Variants in CHAT observed in about 807,000 individuals in gnomAD.
CHAT encodes acetyl CoA:choline O-acetyltransferase.
CHAT carries 61 observed loss-of-function variants against 76.9 expected under a neutral mutation model. That is an observed-to-expected ratio of 0.79 (90% CI 0.65 to 0.98). The LOEUF is 0.98. Ranked by LOEUF, CHAT falls within the 50% of genes least tolerant of loss-of-function variation. CHAT has a pLI of 0.00. For missense variants in CHAT, 946 were observed against 986.9 expected (o/e 0.96, Z 0.56); for synonymous variants, 407 against 397.4 (o/e 1.02, Z -0.29).
chr10:49,617,026 T>G (rs890661214), intron 2 of CHAT, among the ~76,000 whole-genome samples: 7 of 152,174 alleles, frequency 4.6e-5, no homozygotes, highest in Non-Finnish European at 8.8e-5. Context: ...CACCATGTTC[T>G]CCACTGGCCT....
At chr10:49,658,489 G>A (rs988891430) in intron 13 of CHAT, among the ~76,000 whole-genome samples, 2 of 152,156 alleles carry the variant, frequency 1.3e-5, no homozygotes, top group Non-Finnish European at 2.9e-5. Flanking sequence ...TTGTACTTCA[G>A]TCTGGGCAAC....
intron 7 of CHAT, among the ~76,000 whole-genome samples, chr10:49,641,467 T>C (rs909390263): frequency 1.3e-5 from 2 of 152,148 alleles, no homozygotes; most frequent in African/African-American, 4.8e-5. Flanking sequence ...CAGAGCTCTT[T>C]AAAGGTGCCT....
chr10:49,610,869 G>C (rs750714800), upstream of CHAT: 1 of 1,613,264 alleles, frequency 6.2e-7, no homozygotes, highest in Admixed American at 1.7e-5. Context: ...GCGTGGCGCT[G>C]TTACTGGACA....
chr10:49,636,371 T>C (rs1337084802), intron 7 of CHAT, among the ~76,000 whole-genome samples: 1 of 152,208 alleles, frequency 6.6e-6, no homozygotes, highest in Non-Finnish European at 1.5e-5. Flanking sequence ...CAGTTGGTCA[T>C]GGTGTATAAT....
At position 49,662,592 on chromosome 10, in the gene CHAT, G is replaced by A. The variant is rs564307622; in HGVS notation, c.1840-53G>A. On this transcript the variant is annotated intron_variant, in intron 13 of 14. Transcript: ENST00000337653. ...TGTAGACTACAGAGCAGGGAACAAG[G>A]AGGTGCAGGAGGCCCACTTCTCATC... The A allele has an allele frequency of 9.9e-6, 16 of 1,609,804 alleles. 1 individual carries two copies. In the East Asian group the frequency reaches 3.1e-4, roughly 31 times the overall value.
At position 49,626,718 on chromosome 10, in the gene CHAT, C is replaced by T. The variant is rs1304808990; in HGVS notation, c.934-890C>T. On this transcript the variant is annotated intron_variant, in intron 6 of 14. Coordinates refer to ENST00000337653, the MANE Select transcript of CHAT (RefSeq NM_020549.5). The stretch of plus-strand genomic sequence containing the variant: ...CCTGCACAAGACCAGGCCATACAGA[C>T]ACTGCTAGGGGGTTGGAGGGGAAGG... 7.2e-5 allele frequency among the ~76,000 whole-genome samples: 11 copies of T among 152,332 alleles called. No individual in the cohort carries two copies. In the East Asian group the frequency reaches 2.1e-3, roughly 29 times the overall value.
intron 7 of CHAT, among the ~76,000 whole-genome samples, chr10:49,635,189 A>G (rs1374443704): frequency 1.3e-5 from 2 of 152,238 alleles, no homozygotes; most frequent in African/African-American, 4.8e-5. Context: ...TATAGCATGT[A>G]TGATGCAGGG....
Position 49,619,742 on chromosome 10 carries a change from C to G in CHAT, c.405C>G (p.Pro135=), listed in dbSNP as rs757344796. ...SSEESGLPKL[P]VPPLQQTLAT... ...TCTTCCAGGGGCTGCCCAAACTGCCCGTGCCCCCGCTGCAGCAGACCCTGG... is the reference window on the plus strand; with the variant it reads ...TCTTCCAGGGGCTGCCCAAACTGCCGGTGCCCCCGCTGCAGCAGACCCTGG... Residue 135 remains proline (P), a synonymous_variant, in exon 3 of 15, where the codon CCC becomes CCG. Coordinates refer to ENST00000337653, the MANE Select transcript of CHAT (RefSeq NM_020549.5). The G allele has an allele frequency of 6.2e-7, 1 of 1,612,522 alleles. No individual in the cohort carries two copies. Among genetic ancestry groups the G allele is most frequent in the South Asian group, 1.1e-5 (1 of 91,024 alleles).
At chr10:49,640,241 G>T (rs959520489) in intron 7 of CHAT, among the ~76,000 whole-genome samples, 4 of 151,950 alleles carry the variant, frequency 2.6e-5, no homozygotes, top group Non-Finnish European at 4.4e-5. Context: ...GTGTGATGTC[G>T]GCTCAATGCA....
At chr10:49,628,491 A>G (rs570298655) in intron 7 of CHAT, among the ~76,000 whole-genome samples, 1 of 152,134 alleles carries the variant, frequency 6.6e-6, no homozygotes, top group Non-Finnish European at 1.5e-5. Flanking sequence ...GACTCTCCAC[A>G]TCTGTTACTG....
At position 49,614,285 on chromosome 10, in the gene CHAT, G is replaced by A. The variant is rs1341584080; in HGVS notation, c.96G>A (p.Arg32=). The A allele has an allele frequency of 3.2e-6, 5 of 1,548,494 alleles. No homozygotes were observed. Among genetic ancestry groups the A allele is most frequent in the Non-Finnish European group, 3.5e-6 (4 of 1,146,554 alleles). ...GTACAAGAGGAAGGAGAGAAGTGCGGCCAGCTTGCTTTCTCCAGTCGGGTG... is the reference window on the plus strand; with the variant it reads ...GTACAAGAGGAAGGAGAGAAGTGCGACCAGCTTGCTTTCTCCAGTCGGGTG... The part of the protein sequence containing the change: ...GGGTRGRREV[R]PACFLQSGGR... Residue 32 remains arginine, a synonymous_variant, in exon 1 of 15, where the codon CGG becomes CGA. Transcript: ENST00000337653.
rs2103082 is a variant in CHAT, at chr10:49,665,982, T to C, written c.*936T>C. Among the ~76,000 whole-genome samples the C allele has an allele frequency of 0.35, 53,601 of 152,128 alleles. 10,418 individuals carry two copies. The highest frequency in any genetic ancestry group is 0.45 in the Non-Finnish European group (30,660 of 67,976). ...GAGATGGTTACTTTGGGTTTTTCCA[T>C]TATCTGTTTTGTTTTAAGACAGAGA... On this transcript the variant is annotated 3_prime_UTR_variant, in exon 15 of 15. Transcript: ENST00000337653.
chr10:49,625,929 G>C (rs556398555), intron 6 of CHAT, among the ~76,000 whole-genome samples: 1 of 152,266 alleles, frequency 6.6e-6, no homozygotes, highest in South Asian at 2.1e-4. Flanking sequence ...ACCTCCACCT[G>C]TACATCTGTT....
chr10:49,615,959 G>A lies in CHAT; in HGVS notation c.287-543G>A, dbSNP rs796370333. On this transcript the variant is annotated intron_variant, in intron 1 of 14. Coordinates refer to ENST00000337653, the MANE Select transcript of CHAT (RefSeq NM_020549.5). Reference sequence around the variant, plus strand: ...TCCCAATTAGCCCAGATGCATCCTGGAGCACAGGGCCTTAAAGGCCTCCAT... The same window carrying A: ...TCCCAATTAGCCCAGATGCATCCTGAAGCACAGGGCCTTAAAGGCCTCCAT... 2.9e-6 allele frequency: 4 copies of A among 1,403,330 alleles called. No individual in the cohort carries two copies. In the African/African-American group the frequency reaches 5.6e-5, roughly 20 times the overall value. The allele number at this position is 1,403,330 out of a possible 1,614,324, so 86.9% of individuals were successfully genotyped here.
chr10:49,639,533 A>G (rs1839407857), intron 7 of CHAT, among the ~76,000 whole-genome samples: 1 of 24,570 alleles, frequency 4.1e-5, no homozygotes, highest in African/African-American at 9.3e-5. Flanking sequence ...TATATATAGT[A>G]TATATATACA....
upstream of CHAT, chr10:49,611,664 C>T (rs200094927): frequency 1.9e-6 from 3 of 1,611,718 alleles, no homozygotes; most frequent in East Asian, 4.5e-5. Context: ...TCGCCTTCCT[C>T]GAACCCACCA....
chr10:49,633,569 G>A (rs1839197343), intron 7 of CHAT, among the ~76,000 whole-genome samples: 1 of 152,170 alleles, frequency 6.6e-6, no homozygotes, highest in Non-Finnish European at 1.5e-5. Context: ...GCCTCAGAGG[G>A]AGCCTGCACA....
intron 13 of CHAT, 67 bp downstream of exon 13, chr10:49,655,515 A>G: frequency 6.7e-7 from 1 of 1,496,046 alleles, no homozygotes; most frequent in Non-Finnish European, 9.3e-7. Flanking sequence ...CAGAATGGGC[A>G]CCACGGCATA....
chr10:49,666,387 G>A lies in CHAT; in HGVS notation c.*1341G>A, dbSNP rs1413934044. Among the ~76,000 whole-genome samples, 6 of 152,216 alleles carry A rather than the reference G, an allele frequency of 3.9e-5. No homozygotes were observed. The highest frequency in any genetic ancestry group is 1.4e-4 in the African/African-American group (6 of 41,452). On this transcript the variant is annotated 3_prime_UTR_variant, in exon 15 of 15. Coordinates refer to ENST00000337653, the MANE Select transcript of CHAT (RefSeq NM_020549.5). ...GAGACACAAGAGGCACTTCCTATTAGAGCACATTTTTATGGGAAGTCTAAA... is the reference window on the plus strand; with the variant it reads ...GAGACACAAGAGGCACTTCCTATTAAAGCACATTTTTATGGGAAGTCTAAA...
Sources: gnomAD v4.1 joint callset for allele counts (sites outside exome capture counted in the v4.1 genomes callset) on GRCh38, gnomAD v4.1.1 for gene constraint, MANE v1.5 for transcripts, NCBI Gene and HGNC (gene_info 2026-07-23, HGNC 2026-07-21) for gene names.